PCDH11X: variants seen among roughly 807,000 people sequenced by gnomAD.
PCDH11X encodes the protein protocadherin 11 X-linked, also known as protocadherin-11 X-linked.
In PCDH11X, 18 loss-of-function variants were observed where a neutral mutation model predicts 53.3. The ratio of observed to expected loss-of-function variants is 0.34; its 90% CI spans 0.23 to 0.50. The LOEUF is 0.50. PCDH11X is among the 20% of genes least tolerant of loss of function. The pLI, the probability that PCDH11X is intolerant of heterozygous loss-of-function variation, is 0.98. For missense variants in PCDH11X, 570 were observed against 1,032.4 expected (o/e 0.55, Z 6.14); for synonymous variants, 279 against 393.3 (o/e 0.71, Z 3.44).
chrX:92,276,102 G>T (rs1401863762), intron 8 of PCDH11X, among the ~76,000 whole-genome samples: 1 of 109,915 alleles, frequency 9.1e-6, no homozygotes. Context: ...TATTGTCTCA[G>T]TTGGCACCAG....
At chrX:92,478,990 G>A (rs1259365240) in intron 10 of PCDH11X, among the ~76,000 whole-genome samples, 1 of 109,464 alleles carries the variant, frequency 9.1e-6, no homozygotes, top group Non-Finnish European at 1.9e-5. Flanking sequence ...TTTTGTGGGA[G>A]TCTAAGTCAC....
intron 8 of PCDH11X, among the ~76,000 whole-genome samples, chrX:92,288,428 C>T (rs1239418331): frequency 9.9e-6 from 1 of 100,874 alleles, no homozygotes; most frequent in African/African-American, 3.7e-5. Flanking sequence ...CTTGCTCTGT[C>T]GCCCAGGCTG....
At chrX:92,210,683 C>G (rs1374388978) in intron 7 of PCDH11X, among the ~76,000 whole-genome samples, 6 of 111,847 alleles carry the variant, frequency 5.4e-5, no homozygotes, top group Non-Finnish European at 1.1e-4. Context: ...TTAGAAGCAG[C>G]CTGGTCACAC....
chrX:92,531,216 A>T (rs2074548762), intron 10 of PCDH11X, among the ~76,000 whole-genome samples: 1 of 111,034 alleles, frequency 9.0e-6, no homozygotes, highest in Admixed American at 9.6e-5. Context: ...CTGTAAGTAA[A>T]ACTCTGCAGT....
At chrX:91,950,913 A>G (rs1444877892) in intron 6 of PCDH11X, among the ~76,000 whole-genome samples, 1 of 109,416 alleles carries the variant, frequency 9.1e-6, no homozygotes, top group Non-Finnish European at 1.9e-5. Flanking sequence ...GGGATATTTT[A>G]TGTTAAAACA....
At chrX:91,861,230 A>G (rs758100776) in intron 5 of PCDH11X, among the ~76,000 whole-genome samples, 2 of 111,673 alleles carry the variant, frequency 1.8e-5, no homozygotes, top group South Asian at 7.5e-4. Context: ...CCAGGAATTT[A>G]TCGATTTCTT....
chrX:92,004,281 A>G (rs1224035121), intron 6 of PCDH11X, among the ~76,000 whole-genome samples: 1 of 111,893 alleles, frequency 8.9e-6, no homozygotes, highest in African/African-American at 3.2e-5. Context: ...ATGTCTTAAG[A>G]CATATTTTGT....
intron 6 of PCDH11X, among the ~76,000 whole-genome samples, chrX:91,906,195 G>T (rs1402646704): frequency 8.9e-6 from 1 of 111,926 alleles, no homozygotes; most frequent in East Asian, 2.8e-4. Context: ...ATATGTAGAG[G>T]TAACTTTTAA....
intron 9 of PCDH11X, among the ~76,000 whole-genome samples, chrX:92,392,022 T>C (rs747731698): frequency 1.1e-3 from 125 of 111,176 alleles, no homozygotes; most frequent in Non-Finnish European, 2.2e-3. Flanking sequence ...GAACAAGTTA[T>C]GTCATCTGTA....
At chrX:92,510,782 TC>T (rs2074148071) in intron 10 of PCDH11X, among the ~76,000 whole-genome samples, 3 of 111,690 alleles carry the variant, frequency 2.7e-5, no homozygotes, top group African/African-American at 6.5e-5. Flanking sequence ...ATTCAGTTTG[TC>T]TTATCCTAAT....
chrX:92,116,963 A>G (rs1171107896), intron 6 of PCDH11X, among the ~76,000 whole-genome samples: 1 of 108,608 alleles, frequency 9.2e-6, no homozygotes, highest in Non-Finnish European at 1.9e-5. Flanking sequence ...TACCATCCTG[A>G]GGATTAGGAA....
At chrX:92,420,482 A>G (rs35066948) in intron 9 of PCDH11X, 13 of 339,627 alleles carry the variant, frequency 3.8e-5, no homozygotes, top group African/African-American at 2.9e-4. Context: ...TCTTTCGGCA[A>G]TGAGTTCTGT....
intron 6 of PCDH11X, among the ~76,000 whole-genome samples, chrX:92,132,645 A>G (rs1325120229): frequency 3.4e-5 from 2 of 58,176 alleles, no homozygotes; most frequent in African/African-American, 1.8e-4. Flanking sequence ...GTATATATAT[A>G]TATATATATA....
At chrX:92,005,974 A>G (rs1259148538) in intron 6 of PCDH11X, among the ~76,000 whole-genome samples, 1 of 111,867 alleles carries the variant, frequency 8.9e-6, no homozygotes, top group Non-Finnish European at 1.9e-5. Context: ...CAACTGCCAG[A>G]TATATTGGAG....
intron 9 of PCDH11X, among the ~76,000 whole-genome samples, chrX:92,456,249 G>T (rs1205944429): frequency 4.5e-5 from 5 of 111,642 alleles, no homozygotes; most frequent in Non-Finnish European, 7.5e-5. Context: ...GCTAGTCATG[G>T]TTATATTCTC....
intron 1 of PCDH11X, among the ~76,000 whole-genome samples, chrX:91,802,877 T>C (rs1935980927): frequency 9.0e-6 from 1 of 111,216 alleles, no homozygotes; most frequent in African/African-American, 3.3e-5. Context: ...AATTACTTAG[T>C]CTTAAGTAAA....
intron 10 of PCDH11X, among the ~76,000 whole-genome samples, chrX:92,585,592 G>A (rs145558195): frequency 5.6e-5 from 6 of 107,750 alleles, no homozygotes; most frequent in African/African-American, 2.0e-4. Context: ...GGATGGTCTC[G>A]ATCTCCTGAC....
At chrX:92,182,648 G>T (rs751004128) in intron 6 of PCDH11X, among the ~76,000 whole-genome samples, 1 of 111,618 alleles carries the variant, frequency 9.0e-6, no homozygotes, top group Non-Finnish European at 1.9e-5. Context: ...TAAGTCTCAA[G>T]ACATCTGATG....
chrX:92,040,722 C>G (rs372809859), intron 6 of PCDH11X, among the ~76,000 whole-genome samples: 12 of 109,200 alleles, frequency 1.1e-4, no homozygotes, highest in East Asian at 8.6e-4. Flanking sequence ...ATGTTCCTGT[C>G]AAGTGGACAA....
Sources: allele counts gnomAD v4.1 joint callset (sites outside exome capture counted in the v4.1 genomes callset), GRCh38; gene constraint gnomAD v4.1.1; transcripts MANE v1.5; gene names NCBI Gene and HGNC (gene_info 2026-07-23, HGNC 2026-07-21).